Variants in DNAH12 observed in about 807,000 individuals in gnomAD.
DNAH12 encodes the protein axonemal beta dynein heavy chain 12.
DNAH12 carries 285 observed loss-of-function variants against 371.5 expected under a neutral mutation model. The ratio of observed to expected loss-of-function variants is 0.77; its 90% confidence interval spans 0.70 to 0.85. The LOEUF is 0.85. DNAH12 is among the 40% of genes least tolerant of loss of function. The pLI is 0.00. For missense variants in DNAH12, 3,611 were observed against 3,689.4 expected (o/e 0.98, Z 0.55); for synonymous variants, 1,200 against 1,213.0 (o/e 0.99, Z 0.22).
chr3:57,441,321 A>C (rs1055454946), intron 29 of DNAH12, among the ~76,000 whole-genome samples: 2 of 152,186 alleles, frequency 1.3e-5, no homozygotes, highest in Non-Finnish European at 2.9e-5. Context: ...AGAAAGAACC[A>C]CTAACCTTGA....
intron 17 of DNAH12, among the ~76,000 whole-genome samples, chr3:57,467,757 C>T (rs2066248556): frequency 6.6e-6 from 1 of 151,994 alleles, no homozygotes; most frequent in Non-Finnish European, 1.5e-5. Flanking sequence ...GAATTCTTTG[C>T]CCCAGTTTTG....
intron 66 of DNAH12, among the ~76,000 whole-genome samples, chr3:57,312,648 G>C (rs934732035): frequency 7.8e-4 from 119 of 152,194 alleles, no homozygotes; most frequent in African/African-American, 2.9e-3. Context: ...CTGTAGGCTG[G>C]GGCTTGGCCA....
At chr3:57,546,161 G>A (rs959414629), upstream of DNAH12, among the ~76,000 whole-genome samples, 1 of 152,148 alleles carries the variant, frequency 6.6e-6, no homozygotes, top group Non-Finnish European at 1.5e-5. Flanking sequence ...GGGGTCGGGG[G>A]ACGAAGCACA....
At chr3:57,479,274 G>A (rs1428306909) in intron 13 of DNAH12, among the ~76,000 whole-genome samples, 1 of 152,068 alleles carries the variant, frequency 6.6e-6, no homozygotes, top group South Asian at 2.1e-4. Flanking sequence ...TGCAATCCTA[G>A]TCTCTGATAA....
chr3:57,514,580 G>A (rs2068120115), intron 4 of DNAH12, among the ~76,000 whole-genome samples: 1 of 152,020 alleles, frequency 6.6e-6, no homozygotes, highest in Non-Finnish European at 1.5e-5. Flanking sequence ...CAGAAAGTAT[G>A]GGGGCATGGG....
chr3:57,479,184 GT>G (rs1272252348), intron 13 of DNAH12, among the ~76,000 whole-genome samples: 1 of 152,016 alleles, frequency 6.6e-6, no homozygotes, highest in East Asian at 1.9e-4. Context: ...CCCATCTCAC[GT>G]GCAGAGACAC....
chr3:57,528,209 G>T (rs1198422037), intron 2 of DNAH12, among the ~76,000 whole-genome samples: 1 of 151,412 alleles, frequency 6.6e-6, no homozygotes, highest in Non-Finnish European at 1.5e-5. Context: ...TGTATTTTTA[G>T]TAGAGACAGG....
At chr3:57,335,903 G>A (rs535692333) in intron 60 of DNAH12, among the ~76,000 whole-genome samples, 4 of 152,320 alleles carry the variant, frequency 2.6e-5, no homozygotes, top group African/African-American at 9.6e-5. Context: ...AGGAATTCAG[G>A]TCTCCTTAGT....
intron 55 of DNAH12, among the ~76,000 whole-genome samples, chr3:57,372,090 A>G (rs1159721187): frequency 6.6e-6 from 1 of 152,038 alleles, no homozygotes; most frequent in Non-Finnish European, 1.5e-5. Context: ...ATAGTTAACA[A>G]TAGTTTATTG....
rs1205683289 is a variant in DNAH12 at position 57,377,210 on chromosome 3, T to G, written c.8236A>C (p.Lys2746Gln). 1 of 152,172 alleles carries G rather than the reference T, an allele frequency of 6.6e-6. No individual in the cohort carries two copies. Among genetic ancestry groups the G allele is most frequent in the Non-Finnish European group, 1.5e-5 (1 of 68,020 alleles). The allele number at this position is 152,172 out of a possible 1,614,324, so 9.4% of individuals were successfully genotyped here. ...YDRVAKVVAP[K>Q]KARLSEAQKS... The stretch of plus-strand genomic sequence containing the variant: ...TGAGCTTCTGATAAGCGAGCTTTCT[T>G]AGGAGCCACTACCTTTTTGGGAAGA... Residue 2746 changes from lysine to glutamine, a missense_variant, in exon 53 of 74, where the codon AAG (lysine) becomes CAG (glutamine). Coordinates refer to ENST00000495027, the MANE Select transcript of DNAH12 (RefSeq NM_001366028.2).
intron 60 of DNAH12, among the ~76,000 whole-genome samples, chr3:57,343,893 C>T (rs1227418554): frequency 5.9e-5 from 9 of 152,296 alleles, no homozygotes; most frequent in Admixed American, 3.9e-4. Context: ...CCCACATACA[C>T]GTCTAGGCAT....
At chr3:57,434,494 C>T (rs1643366587) in intron 30 of DNAH12, among the ~76,000 whole-genome samples, 1 of 152,080 alleles carries the variant, frequency 6.6e-6, no homozygotes, top group Non-Finnish European at 1.5e-5. Context: ...TTTTTTAAAT[C>T]ACTAACATTT....
At chr3:57,345,586 C>A (rs546601325) in intron 60 of DNAH12, among the ~76,000 whole-genome samples, 2 of 152,272 alleles carry the variant, frequency 1.3e-5, no homozygotes, top group East Asian at 3.9e-4. Flanking sequence ...ATAATTGTAA[C>A]ACTTAAGCTC....
At chr3:57,533,830 G>T (rs2068934051) in intron 2 of DNAH12, among the ~76,000 whole-genome samples, 1 of 152,212 alleles carries the variant, frequency 6.6e-6, no homozygotes, top group Non-Finnish European at 1.5e-5. Context: ...GGTTAGGAAA[G>T]GAGTGGCACA....
chr3:57,309,373 C>T, intron 68 of DNAH12, 119 bp from the exon 69 acceptor site: 5 of 819,304 alleles, frequency 6.1e-6, no homozygotes, highest in Non-Finnish European at 7.4e-6. Flanking sequence ...TCATAACGTA[C>T]AGTAATGTAT....
rs989542955 is a variant in DNAH12, at chr3:57,437,108, G to C, written c.4546-48C>G. 3 of 1,128,742 alleles carry C rather than the reference G, an allele frequency of 2.7e-6. No homozygotes were observed. In the African/African-American group the frequency reaches 4.9e-5, roughly 19 times the overall value. The allele number at this position is 1,128,742 out of a possible 1,614,324, so 69.9% of individuals were successfully genotyped here. A position where few individuals can be genotyped will look rare whatever the true frequency, so the allele number is the denominator to read the frequency against. On this transcript the variant is annotated intron_variant, in intron 29 of 73. Coordinates refer to ENST00000495027, the MANE Select transcript of DNAH12 (RefSeq NM_001366028.2). ...ATTTCTACAACACAATATTATAAAT[G>C]TCATACCTGTCTTATAAGTGTAGAT...
chr3:57,323,127 T>C lies in DNAH12; in HGVS notation c.10263A>G (p.Leu3421=), dbSNP rs1176552928. 1.9e-6 allele frequency: 3 copies of C among 1,552,456 alleles called. No individual in the cohort carries two copies. The highest frequency in any genetic ancestry group is 2.4e-5 in the South Asian group (2 of 84,062). Residue 3421 remains leucine, a synonymous_variant, in exon 64 of 74, where the codon CTA becomes CTG. Coordinates refer to ENST00000495027, the MANE Select transcript of DNAH12 (RefSeq NM_001366028.2). ...AGGACACTGCAAGATGGCAATTCTG[T>C]AGGCACACCCAAGTTCCTTCTTCAA... ...AAIEEGTWVC[L]QNCHLAVSWM... is the part of the protein sequence containing the mutation.
At chr3:57,472,454 A>G (rs1222232871) in intron 14 of DNAH12, 92 bp downstream of exon 14, 2 of 1,450,964 alleles carry the variant, frequency 1.4e-6, no homozygotes, top group Admixed American at 4.9e-5. Flanking sequence ...AATTACTTTT[A>G]AAGTTAGATG....
At position 57,470,541 on chromosome 3, in the gene DNAH12, T is replaced by C. The variant is rs941635853; in HGVS notation, c.2007A>G (p.Glu669=). ...INKEEELFKW[E]LTKYPELDKL... ...TATCCAGTTCAGGATATTTTGTCAA[T>C]TCCCACTTGAAAAGTTCCTCTTCTT... The change falls in exon 16 of 74, where the codon GAA becomes GAG. Residue 669 remains glutamate, a synonymous_variant. Transcript: ENST00000495027. 5.2e-6 allele frequency: 8 copies of C among 1,550,178 alleles called. No individual in the cohort carries two copies. The highest frequency in any genetic ancestry group is 2.7e-5 in the African/African-American group (2 of 72,994).
Sources: gnomAD v4.1 joint callset for allele counts (sites outside exome capture counted in the v4.1 genomes callset) on GRCh38, gnomAD v4.1.1 for gene constraint, MANE v1.5 for transcripts, NCBI Gene and HGNC (gene_info 2026-07-23, HGNC 2026-07-21) for gene names.